GLIS3: variants seen among roughly 807,000 people sequenced by gnomAD.
GLIS3 encodes GLIS family zinc finger 3.
A neutral mutation model predicts 78.6 loss-of-function variants in GLIS3; 53 were observed. That is an observed-to-expected ratio of 0.67 (90% CI 0.54 to 0.85). The LOEUF is 0.85. Ranked by LOEUF, GLIS3 falls within the 40% of genes least tolerant of loss-of-function variation. GLIS3 has a pLI of 0.00. For missense variants in GLIS3, 1,703 were observed against 1,231.1 expected (o/e 1.38, Z -5.74); for synonymous variants, 684 against 509.9 (o/e 1.34, Z -4.60).
At chr9:4,427,096 G>C in the GLIS3 span, among the ~76,000 whole-genome samples, 6 of 152,140 alleles carry the variant, frequency 3.9e-5, no homozygotes, top group Non-Finnish European at 8.8e-5. Context: ...ATCCATAAAA[G>C]TTTTATCTAA....
intron 2 of GLIS3, among the ~76,000 whole-genome samples, chr9:4,345,569 G>T (rs886276247): frequency 6.6e-6 from 1 of 152,164 alleles, no homozygotes; most frequent in African/African-American, 2.4e-5. Flanking sequence ...TGCAGAGGAA[G>T]AAACAGGTTC....
At chr9:4,161,143 C>A (rs1835447234) in intron 2 of GLIS3, among the ~76,000 whole-genome samples, 1 of 150,834 alleles carries the variant, frequency 6.6e-6, no homozygotes. Context: ...ATTATTCAGG[C>A]ATGTTGGTAG....
At chr9:4,053,705 T>TAAAAAAAAAAAAAAAAAAAAAAAAAA (rs760535978) in intron 4 of GLIS3, among the ~76,000 whole-genome samples, 19 of 91,118 alleles carry the variant, frequency 2.1e-4, no homozygotes, top group African/African-American at 6.8e-4. Flanking sequence ...TCTTTCTTCA[T>TAAAAAAAAAAAAAAAAAAAAAAAAAA]AAAAAAAAAA....
chr9:4,211,092 G>A (rs186154929), intron 2 of GLIS3, among the ~76,000 whole-genome samples: 101 of 152,298 alleles, frequency 6.6e-4, no homozygotes, highest in Admixed American at 2.0e-3. Flanking sequence ...TAAATTCCTT[G>A]AGCATCTGCA....
chr9:4,321,422 A>T (rs1325538140), intron 2 of GLIS3, among the ~76,000 whole-genome samples: 1 of 40,804 alleles, frequency 2.5e-5, no homozygotes, highest in Non-Finnish European at 4.0e-5. Context: ...ACTCCGTCTC[A>T]AAAAAAAAAA....
At chr9:4,145,580 A>G (rs1476641476) in intron 2 of GLIS3, among the ~76,000 whole-genome samples, 2 of 152,186 alleles carry the variant, frequency 1.3e-5, no homozygotes, top group African/African-American at 2.4e-5. Context: ...CAAAAAGCCC[A>G]TAATGCCTAA....
chr9:4,311,920 G>C (rs904577701), intron 2 of GLIS3, among the ~76,000 whole-genome samples: 1 of 150,738 alleles, frequency 6.6e-6, no homozygotes, highest in Non-Finnish European at 1.5e-5. Flanking sequence ...CTTGGAAGTG[G>C]AAACTACATG....
chr9:4,012,576 C>A (rs935115697), intron 4 of GLIS3, among the ~76,000 whole-genome samples: 1 of 152,046 alleles, frequency 6.6e-6, no homozygotes, highest in Non-Finnish European at 1.5e-5. Context: ...CACTGTGATT[C>A]ATGTTTCTGT....
At chr9:4,375,802 C>T in the GLIS3 span, among the ~76,000 whole-genome samples, 1 of 152,086 alleles carries the variant, frequency 6.6e-6, no homozygotes, top group African/African-American at 2.4e-5. Flanking sequence ...AACACTAGTA[C>T]TTGACAGAAA....
intron 2 of GLIS3, among the ~76,000 whole-genome samples, chr9:4,270,096 G>C (rs1427609212): frequency 6.6e-6 from 1 of 152,138 alleles, no homozygotes. Flanking sequence ...ATGTGATCCT[G>C]AACAATTTCA....
intron 2 of GLIS3, among the ~76,000 whole-genome samples, chr9:4,170,231 G>C (rs1178114809): frequency 2.0e-5 from 3 of 152,190 alleles, no homozygotes; most frequent in African/African-American, 7.2e-5. Flanking sequence ...CAAAGACTGT[G>C]AAGATAGGAA....
intron 4 of GLIS3, among the ~76,000 whole-genome samples, chr9:4,057,083 G>C (rs1466608923): frequency 6.6e-6 from 1 of 151,754 alleles, no homozygotes; most frequent in African/African-American, 2.4e-5. Context: ...TCTCATTCAA[G>C]ACCACAATTC....
intron 6 of GLIS3, among the ~76,000 whole-genome samples, chr9:3,900,537 C>A (rs938557047): frequency 2.6e-5 from 4 of 152,060 alleles, no homozygotes; most frequent in African/African-American, 9.7e-5. Flanking sequence ...TTATTTATAG[C>A]AATACCTAAT....
In GLIS3 at chr9:4,197,161, C is replaced by T. The variant is rs373579205; in HGVS notation, c.389-71220G>A. 5.9e-5 allele frequency among the ~76,000 whole-genome samples: 9 copies of T among 152,306 alleles called. No homozygotes were observed. The East Asian group carries it at 1.5e-3, about 26-fold the overall frequency. On this transcript the variant is annotated intron_variant, in intron 2 of 10. Transcript: ENST00000381971. ...GTGCAGTGGGGCTCTCTGTGCTCCA[C>T]ACACAGGCAGTAGGCAGATCTCCAG...
chr9:3,908,913 T>C (rs1427838283), intron 6 of GLIS3, among the ~76,000 whole-genome samples: 1 of 152,160 alleles, frequency 6.6e-6, no homozygotes, highest in African/African-American at 2.4e-5. Context: ...CATTTTATTC[T>C]AGGAGCAAAG....
chr9:4,376,340 G>A, the GLIS3 span, among the ~76,000 whole-genome samples: 1 of 152,158 alleles, frequency 6.6e-6, no homozygotes, highest in African/African-American at 2.4e-5. Context: ...AGATTTCAGA[G>A]GCTGAAGATT....
intron 4 of GLIS3, among the ~76,000 whole-genome samples, chr9:3,939,357 T>A (rs984954279): frequency 4.6e-5 from 7 of 152,218 alleles, no homozygotes; most frequent in African/African-American, 1.7e-4. Context: ...TTCAAACTGT[T>A]CACTTGATAA....
At chr9:4,262,672 T>G (rs929389045) in intron 2 of GLIS3, among the ~76,000 whole-genome samples, 2 of 152,140 alleles carry the variant, frequency 1.3e-5, no homozygotes, top group Non-Finnish European at 2.9e-5. Context: ...GCCAAAATTT[T>G]CAATGAGACC....
intron 2 of GLIS3, among the ~76,000 whole-genome samples, chr9:4,254,413 G>A (rs1322184594): frequency 6.6e-6 from 1 of 152,196 alleles, no homozygotes; most frequent in African/African-American, 2.4e-5. Context: ...TATACTACTG[G>A]TGGAGAAGAC....
Sources: gnomAD v4.1 joint callset for allele counts (sites outside exome capture counted in the v4.1 genomes callset) on GRCh38, gnomAD v4.1.1 for gene constraint, MANE v1.5 for transcripts, NCBI Gene and HGNC (gene_info 2026-07-23, HGNC 2026-07-21) for gene names.